The following SPTBN4 variants were observed in gnomAD, a reference collection of about 807,000 sequenced individuals.
SPTBN4 encodes spectrin beta chain, non-erythrocytic 4.
In SPTBN4, 96 loss-of-function variants were observed where a neutral mutation model predicts 277.8. That is an observed-to-expected ratio of 0.35 (90% CI 0.29 to 0.41). The LOEUF is 0.41. Among genes scored for constraint, SPTBN4 ranks in the 10% least tolerant of loss-of-function variants. SPTBN4 has a pLI of 1.00. For synonymous variants in SPTBN4, 1,481 were observed against 1,580.3 expected, an observed-to-expected ratio of 0.94 and a Z score of 1.49; for missense variants, 3,006 against 3,595.7, an observed-to-expected ratio of 0.84 and a Z score of 4.19.
Position 40,560,200 on chromosome 19 carries a change from G to T in SPTBN4, c.5712G>T (p.Val1904=). ...LQEGAAQLRT[V]YAGEHAEAIA... is the part of the protein sequence containing the mutation. ...AGGGGGCGGCCCAGCTGCGGACGGT[G>T]TATGCGGGTGAACATGCCGAGGCCA... The change falls in exon 27 of 36, where the codon GTG becomes GTT. Residue 1904 remains valine, a synonymous_variant. Coordinates refer to ENST00000598249, the MANE Select transcript of SPTBN4 (RefSeq NM_020971.3). This position sits in a 1 kb window ranked among gnomAD's most constrained non-coding sequence, Gnocchi z 5.2. 4 of 1,605,062 alleles carry T rather than the reference G, an allele frequency of 2.5e-6. No homozygotes were observed. The highest frequency in any genetic ancestry group is 3.4e-6 in the Non-Finnish European group (4 of 1,179,880).
Position 40,568,210 on chromosome 19 carries a change from G to T in SPTBN4, c.6884G>T (p.Arg2295Leu), listed in dbSNP as rs555363784. Residue 2295 changes from arginine to leucine, a missense_variant, in exon 31 of 36, where the codon CGG becomes CTG. Physicochemically the swap from Arg to Leu is moderately radical, Grantham distance 102. Transcript: ENST00000598249. ...RYEQMERRRERRERRLERQES... is the reference protein window; with the variant it reads ...RYEQMERRRELRERRLERQES... Reference sequence around the variant, plus strand: ...GAGCAGATGGAGCGGCGGCGCGAGCGGCGTGAGCGGCGCTTGGAGCGGCAG... The same window carrying T: ...GAGCAGATGGAGCGGCGGCGCGAGCTGCGTGAGCGGCGCTTGGAGCGGCAG... The T allele has an allele frequency of 5.9e-5, 94 of 1,600,424 alleles. 1 individual carries two copies. In the South Asian group the frequency reaches 1.0e-3, roughly 18 times the overall value.
intron 20 of SPTBN4, 141 bp from the exon 21 acceptor site, chr19:40,549,048 C>T: frequency 4.5e-6 from 3 of 659,740 alleles, no homozygotes; most frequent in Non-Finnish European, 7.5e-6. Context: ...GAGCGCATCG[C>T]TCCTGGAGGG....
chr19:40,548,060 C>T (rs776825717), intron 20 of SPTBN4, among the ~76,000 whole-genome samples: 5 of 152,134 alleles, frequency 3.3e-5, no homozygotes, highest in Non-Finnish European at 5.9e-5. Context: ...TTAAATAATC[C>T]ATCTTTCCCT....
intron 20 of SPTBN4, among the ~76,000 whole-genome samples, chr19:40,542,438 A>G (rs1374056139): frequency 6.6e-6 from 1 of 152,046 alleles, no homozygotes; most frequent in Non-Finnish European, 1.5e-5. Context: ...GTGGAGTCTC[A>G]AGTCCTGGCT....
intron 30 of SPTBN4, 56 bp downstream of exon 30, chr19:40,566,415 C>T: frequency 7.0e-7 from 1 of 1,426,136 alleles, no homozygotes; most frequent in Non-Finnish European, 9.3e-7. Flanking sequence ...CCCCCACACC[C>T]ATGGCTCTAT....
In SPTBN4 at chr19:40,554,429, C is replaced by A. The variant is rs763949541; in HGVS notation, c.4953+4C>A. 22 of 1,550,702 alleles carry A rather than the reference C, an allele frequency of 1.4e-5. No homozygotes were observed. Among genetic ancestry groups the A allele is most frequent in the East Asian group, 2.4e-5 (1 of 41,882 alleles). The stretch of plus-strand genomic sequence containing the variant: ...GATGAGTGAGGACAAGGGCAAGGTG[C>A]GCCCGAGCTGGGGGTGCGGAGGGCC... On this transcript the variant is annotated splice_donor_region_variant and intron_variant, in intron 23 of 35. Coordinates refer to ENST00000598249, the MANE Select transcript of SPTBN4 (RefSeq NM_020971.3). This position sits in a 1 kb window ranked among gnomAD's most constrained non-coding sequence, Gnocchi z 5.7.
chr19:40,564,941 C>T (rs1199173100), intron 27 of SPTBN4, among the ~76,000 whole-genome samples: 1 of 151,866 alleles, frequency 6.6e-6, no homozygotes, highest in Non-Finnish European at 1.5e-5. Context: ...AATTAGTGAA[C>T]CATGGACCCT....
Position 40,502,835 on chromosome 19 carries a change from A to C in SPTBN4, c.1264A>C (p.Ile422Leu). 6.2e-7 allele frequency: 1 copy of C among 1,613,930 alleles called. No homozygotes were observed. The highest frequency in any genetic ancestry group is 1.3e-5 in the African/African-American group (1 of 75,040). ...GGAGGCTGCCCTACGGGCTGAGCTGATTCGGCAGGAGAAGCTGGAACTACT... is the reference window on the plus strand; with the variant it reads ...GGAGGCTGCCCTACGGGCTGAGCTGCTTCGGCAGGAGAAGCTGGAACTACT... Reference protein sequence around the residue: ...EREAALRAELIRQEKLELLAQ... With the variant: ...EREAALRAELLRQEKLELLAQ... Residue 422 changes from isoleucine to leucine, a missense_variant, in exon 11 of 36, where the codon ATT becomes CTT. Physicochemically the swap from Ile to Leu is conservative, Grantham distance 5. Transcript: ENST00000598249. This position sits in a 1 kb window ranked among gnomAD's most constrained non-coding sequence, Gnocchi z 4.9.
intron 3 of SPTBN4, 105 bp from the exon 4 acceptor site, chr19:40,489,970 G>A: frequency 8.2e-7 from 1 of 1,212,646 alleles, no homozygotes; most frequent in South Asian, 1.6e-5. Context: ...GGACACTCAG[G>A]GGGCGTGGCC....
intron 11 of SPTBN4, 57 bp from the exon 12 acceptor site, chr19:40,503,773 A>G: frequency 6.6e-7 from 1 of 1,520,324 alleles, no homozygotes; most frequent in Non-Finnish European, 8.9e-7. Context: ...ACACAGGGTC[A>G]AGGTAACAGG....
chr19:40,494,622 A>G (rs1229172461), intron 5 of SPTBN4, among the ~76,000 whole-genome samples: 1 of 148,604 alleles, frequency 6.7e-6, no homozygotes, highest in African/African-American at 2.6e-5. Flanking sequence ...TCTGTCTATC[A>G]TCTATCAATC....
chr19:40,534,092 C>T lies in SPTBN4; in HGVS notation c.4108C>T (p.Leu1370=). 1 of 1,602,712 alleles carries T rather than the reference C, an allele frequency of 6.2e-7. No homozygotes were observed. Among genetic ancestry groups the T allele is most frequent in the Non-Finnish European group, 8.5e-7 (1 of 1,171,122 alleles). ...LEKIEREGQQ[L]MQEKPELAAS... ...CCACTTGGGGCAGGAGGGCCAGCAA[C>T]TGATGCAGGAGAAGCCCGAACTGGC... Residue 1370 remains leucine (L), a synonymous_variant, in exon 20 of 36, where the codon CTG becomes TTG. Transcript: ENST00000598249.
At chr19:40,520,467 C>T (rs1319721667) in intron 16 of SPTBN4, among the ~76,000 whole-genome samples, 2 of 151,996 alleles carry the variant, frequency 1.3e-5, no homozygotes, top group Admixed American at 6.6e-5. Context: ...TTCCTGGGTT[C>T]GTGGATTATC....
chr19:40,564,738 G>A (rs1568378658), intron 27 of SPTBN4, among the ~76,000 whole-genome samples: 1 of 151,996 alleles, frequency 6.6e-6, no homozygotes, highest in Non-Finnish European at 1.5e-5. Context: ...TCAGGAGGCT[G>A]AGGCAGGAGG....
chr19:40,560,866 T>G lies in SPTBN4; in HGVS notation c.5915+463T>G. ...ATTGGGAGCCAGGGTCCTTCCATCA[T>G]GCCACCCTGGGAGTCACATGCTGGA... is the stretch of plus-strand genomic sequence containing the variant. On this transcript the variant is annotated intron_variant, in intron 27 of 35. Transcript: ENST00000598249. The surrounding 1 kb of genome is among the most constrained non-coding windows in gnomAD (Gnocchi z 5.2). The G allele has an allele frequency of 2.2e-6, 1 of 462,244 alleles. No homozygotes were observed. Among genetic ancestry groups the G allele is most frequent in the Non-Finnish European group, 3.0e-6 (1 of 333,132 alleles). 28.6% of individuals were successfully genotyped at this position (462,244 alleles called of 1,614,324 possible).
At chr19:40,477,993 C>G (rs746545151) in intron 2 of SPTBN4, among the ~76,000 whole-genome samples, 1 of 152,120 alleles carries the variant, frequency 6.6e-6, no homozygotes, top group Non-Finnish European at 1.5e-5. Context: ...CGCCTGTCAC[C>G]TTGCCTGGCT....
At position 40,560,174 on chromosome 19, in the gene SPTBN4, G is replaced by A; in HGVS notation, c.5686G>A (p.Glu1896Lys). The A allele has an allele frequency of 6.3e-7, 1 of 1,598,266 alleles. No homozygotes were observed. The highest frequency in any genetic ancestry group is 8.5e-7 in the Non-Finnish European group (1 of 1,177,522). The change falls in exon 27 of 36, where the codon GAG becomes AAG. Residue 1896 changes from glutamate (E) to lysine (K), a missense_variant. Glu to Lys is a moderately conservative substitution (Grantham distance 56). Transcript: ENST00000598249. This position sits in a 1 kb window ranked among gnomAD's most constrained non-coding sequence, Gnocchi z 5.2. ...TGCCCTTCAGGTACGGCAGCTGCAG[G>A]AGGGGGCGGCCCAGCTGCGGACGGT... ...LLVSQVRQLQ[E>K]GAAQLRTVYA...
At chr19:40,491,350 C>T (rs1331356349) in intron 4 of SPTBN4, among the ~76,000 whole-genome samples, 12 of 152,010 alleles carry the variant, frequency 7.9e-5, no homozygotes. Context: ...ATGGAAGGGG[C>T]TAGGTGATCT....
Position 40,570,656 on chromosome 19 carries a change from C to T in SPTBN4, c.7247C>T (p.Thr2416Ile). Residue 2416 changes from threonine (T) to isoleucine (I), a missense_variant, in exon 33 of 36, where the codon ACT (threonine) becomes ATT (isoleucine). Around this residue, in one of 5 missense-constraint regions of SPTBN4, gnomAD observed 630 missense variants for 677.6 expected, o/e 0.93. Coordinates refer to ENST00000598249, the MANE Select transcript of SPTBN4 (RefSeq NM_020971.3). ...GSAPAPPPPPTHTVQHEGFLL... is the reference protein window; with the variant it reads ...GSAPAPPPPPIHTVQHEGFLL... ...GCCCCCGCGCCTCCGCCACCGCCCACTCACACAGTGCAGCACGAGGGCTTC... is the reference window on the plus strand; with the variant it reads ...GCCCCCGCGCCTCCGCCACCGCCCATTCACACAGTGCAGCACGAGGGCTTC... The T allele has an allele frequency of 6.4e-7, 1 of 1,554,956 alleles. No individual in the cohort carries two copies. Among genetic ancestry groups the T allele is most frequent in the South Asian group, 1.2e-5 (1 of 85,596 alleles).
Sources: gnomAD v4.1 joint callset for allele counts (sites outside exome capture counted in the v4.1 genomes callset) on GRCh38, gnomAD v4.1.1 for gene constraint, gnomAD v4.1.1 regional missense constraint, Gnocchi (gnomAD v3.1) non-coding constraint, MANE v1.5 for transcripts, NCBI Gene and HGNC (gene_info 2026-07-23, HGNC 2026-07-21) for gene names.